The following ADARB2 variants were observed in gnomAD, a reference collection of about 807,000 sequenced individuals.
The protein encoded by ADARB2 is inactive double-stranded RNA-specific editase B2.
A neutral mutation model predicts 62.2 loss-of-function variants in ADARB2; 25 were observed. That is an observed-to-expected ratio of 0.40 (90% CI 0.29 to 0.56). The LOEUF is 0.56. ADARB2 is among the 20% of genes least tolerant of loss of function. The pLI is 0.43. For missense variants in ADARB2, 1,071 were observed against 1,077.4 expected (o/e 0.99, Z 0.08); for synonymous variants, 572 against 500.8 (o/e 1.14, Z -1.90).
At chr10:1,227,099 C>G (rs950675129) in intron 6 of ADARB2, among the ~76,000 whole-genome samples, 3 of 152,224 alleles carry the variant, frequency 2.0e-5, no homozygotes, top group African/African-American at 7.2e-5. Context: ...ACAACTAACT[C>G]GGCAATGGCG....
At position 1,179,009 on chromosome 10, in the gene ADARB2, AG is replaced by A. The variant is rs1210579900; in HGVS notation, c.*4183del. The A allele has an allele frequency of 1.3e-5, 2 of 152,242 alleles. No individual in the cohort carries two copies. The highest frequency in any genetic ancestry group is 2.4e-5 in the African/African-American group (1 of 41,456). 9.4% of individuals were successfully genotyped at this position (152,242 alleles called of 1,614,324 possible). On this transcript the variant is annotated 3_prime_UTR_variant, in exon 10 of 10. Transcript: ENST00000381312. ...TTTTATTAGAATGGCTTCTTAAAAAAGGGCATATAAGTTTCCCTAAATTAAA... is the reference window on the plus strand; with the variant it reads ...TTTTATTAGAATGGCTTCTTAAAAAAGGCATATAAGTTTCCCTAAATTAAA...
At chr10:1,575,239 G>C (rs1417355111) in intron 1 of ADARB2, among the ~76,000 whole-genome samples, 1 of 101,560 alleles carries the variant, frequency 9.8e-6, no homozygotes, top group African/African-American at 3.7e-5. Flanking sequence ...TACTGTTTTT[G>C]TTTCTTAAAA....
chr10:1,412,567 A>G (rs1308416689), intron 1 of ADARB2, among the ~76,000 whole-genome samples: 4 of 152,216 alleles, frequency 2.6e-5, no homozygotes, highest in African/African-American at 4.8e-5. Flanking sequence ...GAGCCAACGC[A>G]TAAAGCACAA....
At chr10:1,260,954 GAT>G (rs1426585158) in intron 4 of ADARB2, among the ~76,000 whole-genome samples, 1 of 132,028 alleles carries the variant, frequency 7.6e-6, no homozygotes, top group Non-Finnish European at 1.6e-5. Context: ...CCAAAACAGA[GAT>G]ATAGATCAAT....
At chr10:1,513,452 G>A (rs7912569) in intron 1 of ADARB2, among the ~76,000 whole-genome samples, 5,097 of 152,256 alleles carry the variant, frequency 0.033, 273 homozygotes, top group African/African-American at 0.11. Context: ...GATGACGGCC[G>A]TCCTCCGTGG....
chr10:1,376,823 C>T (rs1394320335), intron 2 of ADARB2, among the ~76,000 whole-genome samples: 1 of 129,372 alleles, frequency 7.7e-6, no homozygotes, highest in Non-Finnish European at 1.5e-5. Context: ...CCCCTTCCCA[C>T]GTGTTTCCAG....
At position 1,464,488 on chromosome 10, in the gene ADARB2, G is replaced by T. The variant is rs1246729391; in HGVS notation, c.101-85328C>A. Among the ~76,000 whole-genome samples, 17 of 98,894 alleles carry T rather than the reference G, an allele frequency of 1.7e-4. 1 individual carries two copies. The highest frequency in any genetic ancestry group is 6.0e-4 in the African/African-American group (17 of 28,422). 64.9% of individuals were successfully genotyped at this position (98,894 alleles called of 152,430 possible). ...ACACACTCCCCCACACACGTGCTGG[G>T]GGCAGTCACAGCAGGCAGCGCGCCG... On this transcript the variant is annotated intron_variant, in intron 1 of 9. Coordinates refer to ENST00000381312, the MANE Select transcript of ADARB2 (RefSeq NM_018702.4).
At chr10:1,633,180 G>A (rs916873595) in intron 1 of ADARB2, among the ~76,000 whole-genome samples, 2 of 152,182 alleles carry the variant, frequency 1.3e-5, no homozygotes, top group Non-Finnish European at 2.9e-5. Context: ...AGCCCTTTGG[G>A]CTTGGACTGA....
At position 1,379,046 on chromosome 10, in the gene ADARB2, T is replaced by C. The variant is rs139095171; in HGVS notation, c.187+28A>G. ...TGCACAAAGGATACAGGGGCCTTTGTGTACTTCGGGGAAGGGAAGTTGCTT... is the reference window on the plus strand; with the variant it reads ...TGCACAAAGGATACAGGGGCCTTTGCGTACTTCGGGGAAGGGAAGTTGCTT... On this transcript the variant is annotated intron_variant, in intron 2 of 9. Coordinates refer to ENST00000381312, the MANE Select transcript of ADARB2 (RefSeq NM_018702.4). 5.7e-6 allele frequency: 9 copies of C among 1,588,160 alleles called. No homozygotes were observed. In the African/African-American group the frequency reaches 9.4e-5, roughly 17 times the overall value.
At chr10:1,604,607 C>G (rs1350613989) in intron 1 of ADARB2, among the ~76,000 whole-genome samples, 1 of 152,164 alleles carries the variant, frequency 6.6e-6, no homozygotes, top group East Asian at 1.9e-4. Context: ...ATACAAAGAG[C>G]CTGGTTTTGT....
rs558712894 is a variant in ADARB2, at chr10:1,403,866, C to T, written c.101-24706G>A. ...CCTACAGTCCCCACGTCCTAGCCTC[C>T]CCTGCTCCTGCCTCCCCGATTGGAG... On this transcript the variant is annotated intron_variant, in intron 1 of 9. Transcript: ENST00000381312. Among the ~76,000 whole-genome samples the T allele has an allele frequency of 1.7e-3, 256 of 152,320 alleles. 1 individual carries two copies. In the Middle Eastern group the frequency reaches 0.017, roughly 10 times the overall value.
At chr10:1,516,531 G>C (rs1588284599) in intron 1 of ADARB2, among the ~76,000 whole-genome samples, 1 of 151,170 alleles carries the variant, frequency 6.6e-6, no homozygotes, top group East Asian at 1.9e-4. Flanking sequence ...GTGCTGTGTG[G>C]GCTGCTCTGC....
At chr10:1,642,234 A>G (rs1833986867) in intron 1 of ADARB2, among the ~76,000 whole-genome samples, 1 of 147,636 alleles carries the variant, frequency 6.8e-6, no homozygotes, top group Non-Finnish European at 1.5e-5. Context: ...TGGCTACCTT[A>G]TATCAAAAAT....
intron 3 of ADARB2, among the ~76,000 whole-genome samples, chr10:1,318,631 T>A (rs1831763905): frequency 6.6e-6 from 1 of 152,106 alleles, no homozygotes; most frequent in South Asian, 2.1e-4. Flanking sequence ...GCAACAATAC[T>A]TGCTCATTCA....
chr10:1,575,625 C>T (rs1833000359), intron 1 of ADARB2, among the ~76,000 whole-genome samples: 1 of 152,210 alleles, frequency 6.6e-6, no homozygotes, highest in South Asian at 2.1e-4. Context: ...CCTCTCTCTC[C>T]CTCAGTCCTC....
chr10:1,671,262 C>T (rs1173949335), intron 1 of ADARB2, among the ~76,000 whole-genome samples: 2 of 152,186 alleles, frequency 1.3e-5, no homozygotes, highest in Non-Finnish European at 2.9e-5. Context: ...GTCTGTGCTC[C>T]GCTCCTCTTC....
chr10:1,372,257 C>T (rs922167456), intron 2 of ADARB2, among the ~76,000 whole-genome samples: 6 of 152,230 alleles, frequency 3.9e-5, no homozygotes, highest in Middle Eastern at 3.4e-3. Context: ...GGGGGCTAAA[C>T]GATGGGTACA....
At chr10:1,463,278 G>T (rs373796026) in intron 1 of ADARB2, among the ~76,000 whole-genome samples, 15 of 152,182 alleles carry the variant, frequency 9.9e-5, no homozygotes, top group African/African-American at 3.4e-4. Context: ...GGTGGAGGCC[G>T]CTATTCCAGC....
Position 1,200,333 on chromosome 10 carries a change from TG to T in ADARB2, c.1683-187del, listed in dbSNP as rs1432330244. On this transcript the variant is annotated intron_variant, in intron 7 of 9. Coordinates refer to ENST00000381312, the MANE Select transcript of ADARB2 (RefSeq NM_018702.4). ...CTGGGGCTCTGGGGACACTGTTGCC[TG>T]GGACTGGGCTCCACAGGCCCATGTG... The T allele has an allele frequency of 4.0e-6, 3 of 752,204 alleles. No homozygotes were observed. In the East Asian group the frequency reaches 8.1e-5, roughly 20 times the overall value. The allele number at this position is 752,204 out of a possible 1,614,324, so 46.6% of individuals were successfully genotyped here.
Sources: allele counts gnomAD v4.1 joint callset (sites outside exome capture counted in the v4.1 genomes callset), GRCh38; gene constraint gnomAD v4.1.1; transcripts MANE v1.5; gene names NCBI Gene and HGNC (gene_info 2026-07-23, HGNC 2026-07-21).